Variants in XPO5 observed in about 807,000 individuals in gnomAD.
XPO5 encodes the protein exportin-5.
Under a neutral mutation model 160.6 loss-of-function variants are expected in XPO5, and 46 were observed. The observed-to-expected ratio is 0.29, with a 90% CI of 0.23 to 0.37. The LOEUF is 0.37. XPO5 is among the 10% of genes least tolerant of loss of function. The pLI is 1.00. For synonymous variants in XPO5, 537 were observed against 519.3 expected (o/e 1.03, Z -0.46); for missense variants, 1,090 against 1,463.9 (o/e 0.74, Z 4.17).
At chr6:43,558,411 G>T in intron 12 of XPO5, 90 bp downstream of exon 12, 2 of 1,226,652 alleles carry the variant, frequency 1.6e-6, no homozygotes, top group South Asian at 1.6e-5. Flanking sequence ...GGGATCTTTC[G>T]TAAAAACCCC....
chr6:43,569,561 C>T lies in XPO5; in HGVS notation c.622-824G>A, dbSNP rs560941441. ...CCAGCCTGACCAACATGGTGAAACA[C>T]CATCTCTACTAAAATACAAAAATTA... On this transcript the variant is annotated intron_variant, in intron 5 of 31. Coordinates refer to ENST00000265351, the MANE Select transcript of XPO5 (RefSeq NM_020750.3). Among the ~76,000 whole-genome samples, 702 of 151,930 alleles carry T rather than the reference C, an allele frequency of 4.6e-3. 7 individuals carry two copies. Among genetic ancestry groups the T allele is most frequent in the Non-Finnish European group, 7.4e-3 (503 of 67,966 alleles).
chr6:43,547,381 C>T (rs1323413403), intron 19 of XPO5: 8 of 617,812 alleles, frequency 1.3e-5, no homozygotes, highest in Admixed American at 1.2e-4. Flanking sequence ...TTTAGAGATC[C>T]TTAAAGCCAA....
chr6:43,524,084 C>T (rs745465790), intron 31 of XPO5, 79 bp from the exon 32 acceptor site: 20 of 1,538,370 alleles, frequency 1.3e-5, no homozygotes, highest in Non-Finnish European at 1.4e-5. Flanking sequence ...GGCGCAGTGG[C>T]TCGCGCCTGT....
Position 43,524,871 on chromosome 6 carries a change from G to A in XPO5, c.3272C>T (p.Ala1091Val). The A allele has an allele frequency of 6.2e-7, 1 of 1,613,972 alleles. No individual in the cohort carries two copies. Among genetic ancestry groups the A allele is most frequent in the Non-Finnish European group, 8.5e-7 (1 of 1,179,904 alleles). Residue 1091 changes from alanine (A) to valine (V), a missense_variant, in exon 30 of 32, where the codon GCT becomes GTT. Physicochemically the swap from Ala to Val is moderately conservative, Grantham distance 64 (BLOSUM62 0). Around this residue, in one of 3 missense-constraint regions of XPO5, gnomAD observed 810 missense variants for 1,139.0 expected, o/e 0.71. Coordinates refer to ENST00000265351, the MANE Select transcript of XPO5 (RefSeq NM_020750.3). ...CTGGAAGGCCAGATGGACCAGGGAA[G>A]CCATGCACCCGTCGTGCTGCCCGTG... ...QMHGQHDGCMASLVHLAFQIY... is the reference protein window; with the variant it reads ...QMHGQHDGCMVSLVHLAFQIY...
chr6:43,574,140 A>AT (rs1178824930), intron 1 of XPO5, among the ~76,000 whole-genome samples: 2 of 151,028 alleles, frequency 1.3e-5, no homozygotes, highest in Non-Finnish European at 2.9e-5. Context: ...CACTAAAAAT[A>AT]TTTTTTTAAA....
intron 27 of XPO5, chr6:43,526,266 AGTTTACATTCTAACAT>A (rs1227141275): frequency 2.7e-6 from 1 of 368,074 alleles, no homozygotes; most frequent in Non-Finnish European, 5.0e-6. Flanking sequence ...CCCTGATGGG[AGTTTACATTCTAACAT>A]GGGAGATAGG....
At position 43,561,229 on chromosome 6, in the gene XPO5, CATT is replaced by C. The variant is rs759553467; in HGVS notation, c.1012-225_1012-223del. 2.7e-3 allele frequency among the ~76,000 whole-genome samples: 405 copies of C among 152,260 alleles called. 3 individuals carry two copies. The highest frequency in any genetic ancestry group is 3.5e-3 in the Admixed American group (53 of 15,288). On this transcript the variant is annotated intron_variant, in intron 9 of 31. Coordinates refer to ENST00000265351, the MANE Select transcript of XPO5 (RefSeq NM_020750.3). ...ATTACTTTGCCTACTCAATCATCAT[CATT>C]AAAACCCATTCTGTGGTCAAACAGT...
In XPO5 at chr6:43,575,956, G is replaced by C; in HGVS notation, c.-92C>G. On this transcript the variant is annotated 5_prime_UTR_variant, in exon 1 of 32. Coordinates refer to ENST00000265351, the MANE Select transcript of XPO5 (RefSeq NM_020750.3). ...TCGGCGAGACCACCCGTTGGTACCG[G>C]GCCGCGGCGGGCGGCGGGGGTGGGA... is the stretch of plus-strand genomic sequence containing the variant. 7.8e-7 allele frequency: 1 copy of C among 1,286,460 alleles called. No homozygotes were observed. The highest frequency in any genetic ancestry group is 1.1e-6 in the Non-Finnish European group (1 of 915,684). The allele number at this position is 1,286,460 out of a possible 1,614,324, so 79.7% of individuals were successfully genotyped here. A position where few individuals can be genotyped will look rare whatever the true frequency, so the allele number is the denominator to read the frequency against.
In XPO5 at chr6:43,567,368, A is replaced by AGTAACTTCATG. The variant is rs766214270; in HGVS notation, c.649-15_649-14insCATGAAGTTAC. 5 of 1,594,212 alleles carry AGTAACTTCATG rather than the reference A, an allele frequency of 3.1e-6. No homozygotes were observed. In the South Asian group the frequency reaches 4.6e-5, roughly 15 times the overall value. On this transcript the variant is annotated splice_polypyrimidine_tract_variant and intron_variant, in intron 6 of 31. Transcript: ENST00000265351. ...GTTTGCTTGCGCCTACCAGAAAAGA[A>AGTAACTTCATG]GTAACTTTGGACCATGAAGTCCTCG... is the stretch of plus-strand genomic sequence containing the variant.
At chr6:43,569,459 C>T (rs905969169) in intron 5 of XPO5, among the ~76,000 whole-genome samples, 7 of 152,060 alleles carry the variant, frequency 4.6e-5, no homozygotes, top group Admixed American at 6.5e-5. Flanking sequence ...TTAGGCCAGG[C>T]GCGGTGGCTC....
intron 23 of XPO5, 143 bp from the exon 24 acceptor site, chr6:43,529,068 T>C: frequency 9.0e-7 from 1 of 1,107,526 alleles, no homozygotes. Flanking sequence ...GAAAAAATCT[T>C]AAAGTTCTTT....
At chr6:43,546,784 T>G in intron 19 of XPO5, 32 bp from the exon 20 acceptor site, 1 of 1,462,056 alleles carries the variant, frequency 6.8e-7, no homozygotes, top group Non-Finnish European at 9.1e-7. Context: ...AGATAAATAT[T>G]AAAAGGAAAA....
At chr6:43,565,187 G>T (rs1358543844) in intron 8 of XPO5, among the ~76,000 whole-genome samples, 1 of 152,122 alleles carries the variant, frequency 6.6e-6, no homozygotes, top group Non-Finnish European at 1.5e-5. Context: ...CTCCCAAAGT[G>T]CTGGAATTAC....
intron 14 of XPO5, among the ~76,000 whole-genome samples, chr6:43,551,847 A>G (rs1463283286): frequency 6.6e-6 from 1 of 151,740 alleles, no homozygotes; most frequent in Non-Finnish European, 1.5e-5. Context: ...TTAAATTTTT[A>G]GTAGAGATGA....
At chr6:43,525,264 C>G in intron 28 of XPO5, 50 bp from the exon 29 acceptor site, 1 of 1,515,890 alleles carries the variant, frequency 6.6e-7, no homozygotes, top group Non-Finnish European at 8.9e-7. Flanking sequence ...GCACAGTTTT[C>G]TCTGATGATT....
intron 6 of XPO5, among the ~76,000 whole-genome samples, chr6:43,568,369 CAGG>C (rs1333183190): frequency 6.6e-6 from 1 of 151,930 alleles, no homozygotes; most frequent in East Asian, 1.9e-4. Flanking sequence ...ACAGTCACTT[CAGG>C]AGGTCGAGGC....
At chr6:43,572,605 T>C (rs768964621) in intron 2 of XPO5, 27 bp from the exon 3 acceptor site, 11 of 1,608,882 alleles carry the variant, frequency 6.8e-6, no homozygotes, top group East Asian at 4.5e-5. Flanking sequence ...ATAAAGTCAA[T>C]AGAACCACTT....
chr6:43,530,868 A>T (rs1320548954), intron 22 of XPO5, 44 bp from the exon 23 acceptor site: 1 of 1,588,228 alleles, frequency 6.3e-7, no homozygotes, highest in East Asian at 2.3e-5. Context: ...CAAATCCAAC[A>T]TCTGTTACTG....
intron 8 of XPO5, among the ~76,000 whole-genome samples, chr6:43,563,978 A>AG (rs1190051584): frequency 3.3e-5 from 5 of 152,176 alleles, no homozygotes; most frequent in Admixed American, 3.3e-4. Context: ...GCTGGAGTGC[A>AG]GGGGCACAAT....
Sources: gnomAD v4.1 joint callset for allele counts (sites outside exome capture counted in the v4.1 genomes callset) on GRCh38, gnomAD v4.1.1 for gene constraint, gnomAD v4.1.1 regional missense constraint, MANE v1.5 for transcripts, NCBI Gene and HGNC (gene_info 2026-07-23, HGNC 2026-07-21) for gene names.